The following EVA1A variants were observed in gnomAD, a reference collection of about 807,000 sequenced individuals.
EVA1A encodes the protein eva-1 homolog A, regulator of programmed cell death, also known as protein eva-1 homolog A.
EVA1A carries 7 observed loss-of-function variants against 9.8 expected under a neutral mutation model. That is an observed-to-expected ratio of 0.71 (90% CI 0.41 to 1.34). The LOEUF is 1.34. EVA1A is among the 40% of genes most tolerant of loss of function. The probability of loss-of-function intolerance (pLI) is 0.01; values close to 1 mark genes in which losing one functional copy is unlikely to be tolerated. For synonymous variants in EVA1A, 90 were observed against 85.6 expected (o/e 1.05, Z -0.28); for missense variants, 206 against 205.9 (o/e 1.00, Z 0.00).
chr2:75,552,321 G>A (rs1226819145), intron 1 of EVA1A, among the ~76,000 whole-genome samples: 2 of 152,104 alleles, frequency 1.3e-5, no homozygotes, highest in East Asian at 3.9e-4. Context: ...CTGAAACTGA[G>A]TTCATCATCC....
intron 1 of EVA1A, among the ~76,000 whole-genome samples, chr2:75,539,791 GAT>G (rs1260841473): frequency 6.6e-6 from 1 of 152,110 alleles, no homozygotes; most frequent in Non-Finnish European, 1.5e-5. Flanking sequence ...ACTTTAAAAA[GAT>G]AAAATTAGTT....
intron 2 of EVA1A, 65 bp from the exon 3 acceptor site, chr2:75,518,273 G>C: frequency 7.0e-7 from 1 of 1,432,052 alleles, no homozygotes; most frequent in Non-Finnish European, 9.2e-7. Flanking sequence ...GTTCCAGGTA[G>C]CCTGGACTCC....
intron 1 of EVA1A, among the ~76,000 whole-genome samples, chr2:75,533,954 G>A (rs922381142): frequency 1.3e-5 from 2 of 152,014 alleles, no homozygotes; most frequent in East Asian, 3.9e-4. Context: ...TGGGACTACA[G>A]GCGCCCGCCA....
chr2:75,503,116 C>T (rs1674486270), intron 3 of EVA1A, among the ~76,000 whole-genome samples: 1 of 152,196 alleles, frequency 6.6e-6, no homozygotes, highest in African/African-American at 2.4e-5. Context: ...GTAAGAGCAA[C>T]CAGACTGGGT....
At chr2:75,544,827 G>T (rs1177446722) in intron 1 of EVA1A, among the ~76,000 whole-genome samples, 1 of 152,118 alleles carries the variant, frequency 6.6e-6, no homozygotes, top group African/African-American at 2.4e-5. Flanking sequence ...CATGTTTCTA[G>T]ATCATTGAAA....
chr2:75,557,408 C>A (rs1676753509), intron 1 of EVA1A, among the ~76,000 whole-genome samples: 1 of 152,206 alleles, frequency 6.6e-6, no homozygotes, highest in Non-Finnish European at 1.5e-5. Flanking sequence ...TCATTAAATT[C>A]CCTTAGCCAG....
intron 3 of EVA1A, among the ~76,000 whole-genome samples, chr2:75,504,139 C>T (rs960037259): frequency 2.6e-5 from 4 of 152,082 alleles, no homozygotes; most frequent in African/African-American, 4.8e-5. Flanking sequence ...TTGCCAGGCA[C>T]GGTGGCTCAT....
chr2:75,545,794 T>C (rs759311316), intron 1 of EVA1A, among the ~76,000 whole-genome samples: 5 of 152,084 alleles, frequency 3.3e-5, no homozygotes, highest in Non-Finnish European at 5.9e-5. Flanking sequence ...CAGTGTCTCC[T>C]AGGGGGAGGA....
intron 1 of EVA1A, among the ~76,000 whole-genome samples, chr2:75,541,152 A>T (rs1313652773): frequency 6.6e-6 from 1 of 152,234 alleles, no homozygotes; most frequent in Non-Finnish European, 1.5e-5. Flanking sequence ...TGGGCCTTGC[A>T]TACAATAGAG....
intron 2 of EVA1A, chr2:75,518,899 T>A: frequency 1.0e-6 from 1 of 981,332 alleles, no homozygotes; most frequent in Non-Finnish European, 1.2e-6. Context: ...GCAGTTCTCA[T>A]TCTAAAATAT....
chr2:75,508,648 C>G (rs997921601), intron 3 of EVA1A, among the ~76,000 whole-genome samples: 1 of 152,010 alleles, frequency 6.6e-6, no homozygotes, highest in African/African-American at 2.4e-5. Flanking sequence ...ATTCTATTAC[C>G]TTGTAAAGTA....
At chr2:75,518,538 G>T in intron 2 of EVA1A, 1 of 934,524 alleles carries the variant, frequency 1.1e-6, no homozygotes, top group Non-Finnish European at 1.3e-6. Flanking sequence ...CGAGCTTCCT[G>T]GCTTTCAAGG....
At chr2:75,495,976 C>G (rs1276226351) in intron 3 of EVA1A, among the ~76,000 whole-genome samples, 2 of 152,088 alleles carry the variant, frequency 1.3e-5, no homozygotes, top group African/African-American at 4.8e-5. Context: ...GGTAGAAAGG[C>G]CCAGGCAAAC....
intron 1 of EVA1A, among the ~76,000 whole-genome samples, chr2:75,524,819 A>C (rs1252159134): frequency 6.6e-6 from 1 of 152,122 alleles, no homozygotes; most frequent in Admixed American, 6.5e-5. Context: ...TTCCTACAGG[A>C]CATGGTTCCA....
At chr2:75,532,997 G>T (rs1176119813) in intron 1 of EVA1A, among the ~76,000 whole-genome samples, 4 of 151,834 alleles carry the variant, frequency 2.6e-5, no homozygotes, top group African/African-American at 9.7e-5. Flanking sequence ...ACAAAAATTA[G>T]CTGGGTATGG....
intron 3 of EVA1A, among the ~76,000 whole-genome samples, chr2:75,503,492 C>T (rs938973800): frequency 1.3e-5 from 2 of 152,198 alleles, no homozygotes; most frequent in South Asian, 2.1e-4. Flanking sequence ...ATTTCATTTG[C>T]ACCCTCAGAG....
chr2:75,545,892 C>T (rs1289431350), intron 1 of EVA1A, among the ~76,000 whole-genome samples: 1 of 152,008 alleles, frequency 6.6e-6, no homozygotes, highest in Non-Finnish European at 1.5e-5. Context: ...CCCCAGAGGT[C>T]AGTCTCAAAG....
intron 1 of EVA1A, among the ~76,000 whole-genome samples, chr2:75,548,086 C>T (rs1676392923): frequency 6.6e-6 from 1 of 152,208 alleles, no homozygotes; most frequent in Non-Finnish European, 1.5e-5. Context: ...CATAAAAAAC[C>T]TACATTGAGT....
At position 75,512,587 on chromosome 2, in the gene EVA1A, T is replaced by C. The variant is rs563105351; in HGVS notation, c.85+5469A>G. 3.3e-5 allele frequency among the ~76,000 whole-genome samples: 5 copies of C among 152,266 alleles called. No homozygotes were observed. The East Asian group carries it at 9.6e-4, about 29-fold the overall frequency. ...TTGGTCAGAGAGGGTAGTGACTAAA[T>C]AAAAGCATGGAGTAGTAAAGGTCAG... On this transcript the variant is annotated intron_variant, in intron 3 of 3. Coordinates refer to ENST00000393913, the MANE Select transcript of EVA1A (RefSeq NM_001135032.2).
Sources: allele counts gnomAD v4.1 joint callset (sites outside exome capture counted in the v4.1 genomes callset), GRCh38; gene constraint gnomAD v4.1.1; transcripts MANE v1.5; gene names NCBI Gene and HGNC (gene_info 2026-07-23, HGNC 2026-07-21).